LEPR: variants seen among roughly 807,000 people sequenced by gnomAD.
LEPR encodes the protein OB receptor.
LEPR carries 56 observed loss-of-function variants against 114.7 expected under a neutral mutation model. That is an observed-to-expected ratio of 0.49 (90% CI 0.39 to 0.61). LEPR has a LOEUF of 0.61. Ranked by LOEUF, LEPR falls within the 20% of genes least tolerant of loss-of-function variation. The probability of loss-of-function intolerance (pLI) is 0.00; values close to 1 mark genes in which losing one functional copy is unlikely to be tolerated. For synonymous variants in LEPR, 443 were observed against 461.4 expected, an observed-to-expected ratio of 0.96 and a Z score of 0.51; for missense variants, 1,202 against 1,352.9, an observed-to-expected ratio of 0.89 and a Z score of 1.75.
chr1:65,420,790 C>A, intron 1 of LEPR, 50 bp downstream of exon 1: 1 of 1,559,888 alleles, frequency 6.4e-7, no homozygotes, highest in East Asian at 2.4e-5. Context: ...TTGCCACCTC[C>A]GTTCCGGTCA....
At chr1:65,428,381 C>G (rs947405389) in intron 2 of LEPR, among the ~76,000 whole-genome samples, 2 of 152,096 alleles carry the variant, frequency 1.3e-5, no homozygotes, top group African/African-American at 4.8e-5. Flanking sequence ...ATTCCAAACC[C>G]CTTCCCCTCT....
At chr1:65,534,891 T>C (rs1439591211) in intron 2 of LEPR, among the ~76,000 whole-genome samples, 1 of 152,236 alleles carries the variant, frequency 6.6e-6, no homozygotes, top group Non-Finnish European at 1.5e-5. Context: ...ACCAACTATC[T>C]GTTTTGTGAG....
intron 14 of LEPR, among the ~76,000 whole-genome samples, chr1:65,614,613 A>G (rs1657411623): frequency 6.6e-6 from 1 of 152,194 alleles, no homozygotes; most frequent in African/African-American, 2.4e-5. Flanking sequence ...AAGTAAATGG[A>G]TGGTGGATGG....
intron 2 of LEPR, chr1:65,526,399 G>C (rs1456280629): frequency 1.0e-6 from 1 of 985,246 alleles, no homozygotes; most frequent in Non-Finnish European, 1.2e-6. Context: ...TTGTAGTGGT[G>C]AGAAAAAGAG....
At chr1:65,502,433 A>ATT (rs61383521) in intron 2 of LEPR, among the ~76,000 whole-genome samples, 2,515 of 150,074 alleles carry the variant, frequency 0.017, 34 homozygotes, top group South Asian at 0.027. Flanking sequence ...CCAGACTGGC[A>ATT]TTTTTTTTTT....
intron 3 of LEPR, 27 bp from the exon 4 acceptor site, chr1:65,570,446 C>G: frequency 6.2e-7 from 1 of 1,603,140 alleles, no homozygotes; most frequent in East Asian, 2.2e-5. Context: ...TTACTTTTTT[C>G]TATGTGTCTT....
chr1:65,511,900 G>GCTCTC (rs1649052331), intron 2 of LEPR, among the ~76,000 whole-genome samples: 1 of 152,158 alleles, frequency 6.6e-6, no homozygotes, highest in African/African-American at 2.4e-5. Flanking sequence ...TCTAATTGCT[G>GCTCTC]TAAAGAAATA....
chr1:65,636,673 A>G lies in LEPR; in HGVS notation c.3156A>G (p.Thr1052=), dbSNP rs1658731105. 2.5e-6 allele frequency: 4 copies of G among 1,609,676 alleles called. No individual in the cohort carries two copies. Among genetic ancestry groups the G allele is most frequent in the South Asian group, 2.2e-5 (2 of 90,506 alleles). ...CCAACATAATTTCACCACACCTCAC[A>G]TTCTCAGAAGGATTGGATGAACTTT... ...QHPNIISPHL[T]FSEGLDELLK... The change falls in exon 20 of 20, where the codon ACA becomes ACG. Residue 1052 remains threonine (T), a synonymous_variant. Transcript: ENST00000349533.
chr1:65,512,543 T>A (rs754154063), intron 2 of LEPR, among the ~76,000 whole-genome samples: 3 of 152,098 alleles, frequency 2.0e-5, no homozygotes, highest in Admixed American at 6.5e-5. Flanking sequence ...GGAGAACACT[T>A]TTCAATGCAC....
At chr1:65,430,573 A>C (rs1425285619) in intron 2 of LEPR, among the ~76,000 whole-genome samples, 1 of 152,170 alleles carries the variant, frequency 6.6e-6, no homozygotes. Flanking sequence ...TAATTTATTC[A>C]ATTATTTGCT....
intron 2 of LEPR, among the ~76,000 whole-genome samples, chr1:65,446,193 A>G (rs951946237): frequency 1.3e-5 from 2 of 152,242 alleles, no homozygotes; most frequent in Non-Finnish European, 2.9e-5. Context: ...TTTGTTTTCC[A>G]AAGTGGCTGT....
At position 65,572,432 on chromosome 1, in the gene LEPR, C is replaced by T. The variant is rs890198052; in HGVS notation, c.477C>T (p.Val159=). The T allele has an allele frequency of 1.3e-6, 2 of 1,593,226 alleles. No individual in the cohort carries two copies. The highest frequency in any genetic ancestry group is 1.7e-6 in the Non-Finnish European group (2 of 1,167,552). ...TATTCAGGAATTATAACTATAAGGT[C>T]CATCTTTTATATGTTCTGTAAGTAC... The part of the protein sequence containing the change: ...KNLFRNYNYK[V]HLLYVLPEVL... Residue 159 remains valine, a synonymous_variant, in exon 5 of 20, where the codon GTC becomes GTT. Coordinates refer to ENST00000349533, the MANE Select transcript of LEPR (RefSeq NM_002303.6).
At chr1:65,428,231 A>G (rs1646417902) in intron 2 of LEPR, among the ~76,000 whole-genome samples, 1 of 152,230 alleles carries the variant, frequency 6.6e-6, no homozygotes, top group African/African-American at 2.4e-5. Flanking sequence ...GGTTTCTTGT[A>G]CATTAATATT....
At chr1:65,435,233 G>C (rs933634089) in intron 2 of LEPR, 2 of 985,152 alleles carry the variant, frequency 2.0e-6, no homozygotes, top group African/African-American at 3.5e-5. Flanking sequence ...ACTGTCCTAA[G>C]GAAGTCCTTA....
At chr1:65,566,898 G>A (rs1653802595) in intron 3 of LEPR, among the ~76,000 whole-genome samples, 2 of 152,142 alleles carry the variant, frequency 1.3e-5, no homozygotes, top group African/African-American at 4.8e-5. Flanking sequence ...AAAAAATTAT[G>A]CCACAAGGGA....
At position 65,429,717 on chromosome 1, in the gene LEPR, TC is replaced by T. The variant is rs1176992892; in HGVS notation, c.-21+4340del. 13 of 659,558 alleles carry T rather than the reference TC, an allele frequency of 2.0e-5. No homozygotes were observed. The African/African-American group carries it at 2.2e-4, about 11-fold the overall frequency. The allele number at this position is 659,558 out of a possible 1,614,324, so 40.9% of individuals were successfully genotyped here. A position where few individuals can be genotyped will look rare whatever the true frequency, so the allele number is the denominator to read the frequency against. ...ACTACTTATCTATCCCTGGTAGAAA[TC>T]ATCTTATGTTCTAATATTCACAATT... On this transcript the variant is annotated intron_variant, in intron 2 of 19. Transcript: ENST00000349533.
intron 2 of LEPR, among the ~76,000 whole-genome samples, chr1:65,472,450 GTATATATATAA>G (rs1319775375): frequency 5.6e-5 from 3 of 54,038 alleles, no homozygotes; most frequent in Non-Finnish European, 1.3e-4. Flanking sequence ...ACACACGTGT[GTATATATATAA>G]TATATATATA....
rs1410866110 is a variant in LEPR, at chr1:65,640,469, G to T, written c.*3454G>T. ...AATTTTAAGTCACAAAATTATAGTT[G>T]TCCACTCTACTATGACTGAAAGAAG... On this transcript the variant is annotated 3_prime_UTR_variant, in exon 20 of 20. Transcript: ENST00000349533. 1 of 152,076 alleles carries T rather than the reference G, an allele frequency of 6.6e-6. No homozygotes were observed. The highest frequency in any genetic ancestry group is 1.5e-5 in the Non-Finnish European group (1 of 68,018). The allele number at this position is 152,076 out of a possible 1,614,324, so 9.4% of individuals were successfully genotyped here.
chr1:65,628,494 T>C (rs1214303957), intron 19 of LEPR, among the ~76,000 whole-genome samples: 1 of 152,186 alleles, frequency 6.6e-6, no homozygotes, highest in East Asian at 1.9e-4. Flanking sequence ...TACTTTCACA[T>C]GTGTGTATCC....
Sources: allele counts gnomAD v4.1 joint callset (sites outside exome capture counted in the v4.1 genomes callset), GRCh38; gene constraint gnomAD v4.1.1; transcripts MANE v1.5; gene names NCBI Gene and HGNC (gene_info 2026-07-23, HGNC 2026-07-21).